The following LRRK1 variants were observed in gnomAD, a reference collection of about 807,000 sequenced individuals.
The protein encoded by LRRK1 is leucine-rich repeat serine/threonine-protein kinase 1.
LRRK1 carries 113 observed loss-of-function variants against 209.1 expected under a neutral mutation model. The observed-to-expected ratio is 0.54, with a 90% CI of 0.46 to 0.63. LRRK1 has a LOEUF of 0.63. LRRK1 is among the 30% of genes least tolerant of loss of function. LRRK1 has a pLI of 0.00. For synonymous variants in LRRK1, 1,144 were observed against 1,099.7 expected, an observed-to-expected ratio of 1.04 and a Z score of -0.80; for missense variants, 2,284 against 2,632.2, an observed-to-expected ratio of 0.87 and a Z score of 2.89.
At chr15:100,931,873 A>G (rs2042218698) in intron 2 of LRRK1, among the ~76,000 whole-genome samples, 1 of 152,206 alleles carries the variant, frequency 6.6e-6, no homozygotes, top group Non-Finnish European at 1.5e-5. Flanking sequence ...TTTATATGGA[A>G]TTCCACAATT....
intron 20 of LRRK1, among the ~76,000 whole-genome samples, chr15:101,042,029 A>C (rs1468467291): frequency 1.3e-5 from 2 of 152,184 alleles, no homozygotes; most frequent in African/African-American, 4.8e-5. Context: ...TATGTAATGA[A>C]CCCCATAATA....
intron 26 of LRRK1, among the ~76,000 whole-genome samples, chr15:101,053,724 G>C (rs1458793931): frequency 2.6e-5 from 4 of 152,216 alleles, no homozygotes; most frequent in Non-Finnish European, 5.9e-5. Flanking sequence ...GGCCTCGCTG[G>C]GAGGGCACCG....
At chr15:101,055,791 T>C (rs757160971) in intron 27 of LRRK1, among the ~76,000 whole-genome samples, 7 of 152,240 alleles carry the variant, frequency 4.6e-5, no homozygotes, top group Non-Finnish European at 1.0e-4. Flanking sequence ...GGCTACTTGG[T>C]AGATGCAGGC....
chr15:101,030,439 C>T (rs940198428), intron 20 of LRRK1, among the ~76,000 whole-genome samples: 5 of 152,220 alleles, frequency 3.3e-5, no homozygotes, highest in African/African-American at 7.2e-5. Context: ...TTCAGCAGGG[C>T]CCAGCCTCCA....
chr15:100,923,605 A>G (rs2042057314), intron 1 of LRRK1, among the ~76,000 whole-genome samples: 1 of 152,114 alleles, frequency 6.6e-6, no homozygotes, highest in African/African-American at 2.4e-5. Context: ...TCCTTCAATC[A>G]CCATACCAGG....
chr15:100,924,420 AG>A (rs1435528743), intron 1 of LRRK1, 90 bp from the exon 2 acceptor site: 1 of 566,086 alleles, frequency 1.8e-6, no homozygotes, highest in East Asian at 2.9e-5. Context: ...AATGTTGCAG[AG>A]GGAAAACTAA....
At chr15:101,014,247 C>T in intron 10 of LRRK1, 69 bp from the exon 11 acceptor site, 1 of 1,143,738 alleles carries the variant, frequency 8.7e-7, no homozygotes, top group Admixed American at 2.0e-5. Context: ...CTGACTGGCT[C>T]TTCAGTCTCC....
At position 101,053,362 on chromosome 15, in the gene LRRK1, C is replaced by A; in HGVS notation, c.3996C>A (p.Phe1332Leu). Residue 1332 changes from phenylalanine (F) to leucine (L), a missense_variant, in exon 26 of 34, where the codon TTC becomes TTA. This residue lies in a region of LRRK1 where 780 missense variants were observed against 985.2 expected (regional missense o/e 0.79). Coordinates refer to ENST00000388948, the MANE Select transcript of LRRK1 (RefSeq NM_024652.6). ...LIGISIHPLC[F>L]ALELAPLSSL... ...GCATCAGCATCCACCCGCTCTGCTT[C>A]GCCCTGGAGCTCGCGCCGCTCAGCA... The A allele has an allele frequency of 6.2e-7, 1 of 1,602,088 alleles. No individual in the cohort carries two copies.
At chr15:100,927,059 G>A (rs1363819753) in intron 2 of LRRK1, among the ~76,000 whole-genome samples, 2 of 152,188 alleles carry the variant, frequency 1.3e-5, no homozygotes, top group Non-Finnish European at 2.9e-5. Context: ...CATCTAAATG[G>A]TTTGAGTCCC....
chr15:101,048,638 T>C lies in LRRK1; in HGVS notation c.3280T>C (p.Phe1094Leu). Reference sequence around the variant, plus strand: ...TTGGCAGGAAGGGCTCCTGGTCACTTTTGATGGGGGCTACCTCAGGTAGGA... The same window carrying C: ...TTGGCAGGAAGGGCTCCTGGTCACTCTTGATGGGGGCTACCTCAGGTAGGA... ...IYWQEGLLVT[F>L]DGGYLSVESS... Residue 1094 changes from phenylalanine to leucine, a missense_variant, in exon 22 of 34, where the codon TTT becomes CTT. Phe to Leu is a conservative substitution (Grantham distance 22). This residue lies in a region of LRRK1 where 780 missense variants were observed against 985.2 expected (regional missense o/e 0.79). Transcript: ENST00000388948. 6.5e-7 allele frequency: 1 copy of C among 1,534,260 alleles called. No individual in the cohort carries two copies. Among genetic ancestry groups the C allele is most frequent in the Non-Finnish European group, 8.7e-7 (1 of 1,148,884 alleles).
In LRRK1 at chr15:101,029,054, G is replaced by T. The variant is rs766875506; in HGVS notation, c.2785G>T (p.Glu929Ter). 1 of 1,614,160 alleles carries T rather than the reference G, an allele frequency of 6.2e-7. No individual in the cohort carries two copies. Among genetic ancestry groups the T allele is most frequent in the Non-Finnish European group, 8.5e-7 (1 of 1,180,040 alleles). The change falls in exon 20 of 34, where the codon GAA becomes TAA. Residue 929 changes from glutamate to a stop codon, truncating the protein, a stop_gained. Coordinates refer to ENST00000388948, the MANE Select transcript of LRRK1 (RefSeq NM_024652.6). LOFTEE classifies it high-confidence loss of function. ...CTTCCTCGACCCTATTTGGCTCTCC[G>T]AATGTCTGCAGAGGATCTTTAATAT... Reference protein sequence around the residue: ...LYFLDPIWLSECLQRIFNIKG... With the variant: ...LYFLDPIWLS
rs1469472150 is a variant in LRRK1, at chr15:101,065,632, C to T, written c.5195C>T (p.Ala1732Val). The change falls in exon 32 of 34, where the codon GCC becomes GTC. Residue 1732 changes from alanine (A) to valine (V), a missense_variant. Transcript: ENST00000388948. ...EICRRLEPYM[A>V]PSMVTSVVCS... ...TGCAGGCGGCTGGAGCCCTACATGG[C>T]CCCCTCCATGGTTACGTCAGTCGTG... is the stretch of plus-strand genomic sequence containing the variant. 10 of 1,614,048 alleles carry T rather than the reference C, an allele frequency of 6.2e-6. No homozygotes were observed. The highest frequency in any genetic ancestry group is 3.3e-5 in the South Asian group (3 of 91,086).
intron 26 of LRRK1, 64 bp from the exon 27 acceptor site, chr15:101,054,882 A>T: frequency 7.5e-7 from 1 of 1,340,748 alleles, no homozygotes; most frequent in Non-Finnish European, 1.0e-6. Flanking sequence ...AGTTGTTATC[A>T]TGATAATTTG....
rs572023773 is a variant in LRRK1 at position 100,981,599 on chromosome 15, G to A, written c.262-1929G>A. Among the ~76,000 whole-genome samples the A allele has an allele frequency of 1.3e-3, 197 of 152,280 alleles. 2 individuals are homozygous for A. The highest frequency in any genetic ancestry group is 4.4e-3 in the African/African-American group (184 of 41,570). ...TCCAGGAAGTCTTGGATGCAACAGA[G>A]ACTCTTGGGCTTTAGAGCTAGACAC... On this transcript the variant is annotated intron_variant, in intron 3 of 33. Coordinates refer to ENST00000388948, the MANE Select transcript of LRRK1 (RefSeq NM_024652.6).
At chr15:101,006,371 A>AT (rs1491109622) in intron 6 of LRRK1, among the ~76,000 whole-genome samples, 2 of 92,842 alleles carry the variant, frequency 2.2e-5, no homozygotes, top group East Asian at 3.1e-4. Flanking sequence ...CGACAATGTG[A>AT]TAAAAAAAAA....
chr15:101,068,881 G>C lies in LRRK1; in HGVS notation c.*33G>C, dbSNP rs1245969195. On this transcript the variant is annotated 3_prime_UTR_variant, in exon 34 of 34. Coordinates refer to ENST00000388948, the MANE Select transcript of LRRK1 (RefSeq NM_024652.6). ...GGAATGACTGTCACACATCAGAGCT[G>C]GCTGGCCCGGGGCTGCAGCCTGACC... 7.1e-6 allele frequency: 11 copies of C among 1,550,032 alleles called. No individual in the cohort carries two copies. Among genetic ancestry groups the C allele is most frequent in the Non-Finnish European group, 9.6e-6 (11 of 1,144,952 alleles).
In LRRK1 at chr15:101,068,732, AAC is replaced by A. The variant is rs748076187; in HGVS notation, c.5936_5937del (p.Thr1979ArgfsTer42). 2.5e-6 allele frequency: 4 copies of A among 1,613,778 alleles called. No individual in the cohort carries two copies. Among genetic ancestry groups the A allele is most frequent in the Non-Finnish European group, 3.4e-6 (4 of 1,179,804 alleles). On this transcript the variant is annotated frameshift_variant, in exon 34 of 34. Coordinates refer to ENST00000388948, the MANE Select transcript of LRRK1 (RefSeq NM_024652.6). LOFTEE classifies it high-confidence loss of function. ...TGTTGTGTGCACCTTTGAAAATGAA[AAC>A]ACAGAGTGGTGCCTGGCCGTCTGGA... ...DTVVCTFENE[N>X]TEWCLAVWRG...
chr15:100,993,441 C>T (rs939898459), intron 6 of LRRK1, among the ~76,000 whole-genome samples: 2 of 152,158 alleles, frequency 1.3e-5, no homozygotes. Context: ...TCTCATTCTT[C>T]TTATGTCTCT....
At position 100,924,872 on chromosome 15, in the gene LRRK1, A is replaced by G. The variant is rs982208415; in HGVS notation, c.97+143A>G. ...ATTTGGTGCTCTTTCATCATATAAT[A>G]TATCTTGGGACTCTTAAATTCTAAA... On this transcript the variant is annotated intron_variant, in intron 2 of 33. Transcript: ENST00000388948. The G allele has an allele frequency of 8.0e-5, 47 of 589,390 alleles. No homozygotes were observed. The African/African-American group carries it at 8.7e-4, about 11-fold the overall frequency. The allele number at this position is 589,390 out of a possible 1,614,324, so 36.5% of individuals were successfully genotyped here. A position where few individuals can be genotyped will look rare whatever the true frequency, so the allele number is the denominator to read the frequency against.
Sources: gnomAD v4.1 joint callset for allele counts (sites outside exome capture counted in the v4.1 genomes callset) on GRCh38, gnomAD v4.1.1 for gene constraint, gnomAD v4.1.1 regional missense constraint, MANE v1.5 for transcripts, NCBI Gene and HGNC (gene_info 2026-07-23, HGNC 2026-07-21) for gene names.